Variants in TACC3 observed in about 807,000 individuals in gnomAD.
TACC3 encodes the protein transforming acidic coiled-coil-containing protein 3.
Under a neutral mutation model 86.0 loss-of-function variants are expected in TACC3, and 52 were observed. The ratio of observed to expected loss-of-function variants is 0.60; its 90% CI spans 0.48 to 0.76. The LOEUF (loss-of-function observed/expected upper bound fraction) is 0.76, where lower values mean the gene tolerates loss of function less well. TACC3 is among the 30% of genes least tolerant of loss of function. The probability of loss-of-function intolerance (pLI) is 0.00; values close to 1 mark genes in which losing one functional copy is unlikely to be tolerated. For missense variants in TACC3, 1,120 were observed against 1,070.4 expected, an observed-to-expected ratio of 1.05 and a Z score of -0.65; for synonymous variants, 512 against 430.0, an observed-to-expected ratio of 1.19 and a Z score of -2.36.
At chr4:1,744,185 G>A (rs150937982) in intron 13 of TACC3, among the ~76,000 whole-genome samples, 1 of 152,248 alleles carries the variant, frequency 6.6e-6, no homozygotes, top group Non-Finnish European at 1.5e-5. Context: ...AGAGGGAGAC[G>A]GGCTGGGCTG....
At chr4:1,724,213 G>T (rs1392507327) in intron 3 of TACC3, among the ~76,000 whole-genome samples, 1 of 150,794 alleles carries the variant, frequency 6.6e-6, no homozygotes, top group African/African-American at 2.4e-5. Context: ...ACCTCATGAT[G>T]CGCCCGCCTT....
At chr4:1,731,129 A>G in intron 5 of TACC3, 43 bp from the exon 6 acceptor site, 1 of 1,608,798 alleles carries the variant, frequency 6.2e-7, no homozygotes, top group South Asian at 1.1e-5. Context: ...CACCCCAAGT[A>G]CCTTGACTGC....
rs1376611875 is a variant in TACC3, at chr4:1,723,500, C to G, written c.79C>G (p.Pro27Ala). 3 of 1,613,652 alleles carry G rather than the reference C, an allele frequency of 1.9e-6. No homozygotes were observed. The highest frequency in any genetic ancestry group is 2.5e-6 in the Non-Finnish European group (3 of 1,180,012). The stretch of plus-strand genomic sequence containing the variant: ...AAATTGCGACTTCCTGTTTTCGCCA[C>G]CAGAAGTTACCGGAAGATCGTCTGT... Reference protein sequence around the residue: ...TENCDFLFSPPEVTGRSSVLR... With the variant: ...TENCDFLFSPAEVTGRSSVLR... Residue 27 changes from proline (P) to alanine (A), a missense_variant, in exon 2 of 16, where the codon CCA (proline) becomes GCA (alanine). Transcript: ENST00000313288.
chr4:1,721,162 T>G, upstream of TACC3: 4 of 200,472 alleles, frequency 2.0e-5, no homozygotes, highest in Admixed American at 6.1e-5. Flanking sequence ...GCGGCCTCTC[T>G]TCTCGGCCGG....
chr4:1,735,149 C>T lies in TACC3; in HGVS notation c.1592-124C>T, dbSNP rs750868662. Reference sequence around the variant, plus strand: ...AGTCAGGCCCCGAACATCCACACCTCCAAGGGAGGAAATACTGCTGGCTGG... The same window carrying T: ...AGTCAGGCCCCGAACATCCACACCTTCAAGGGAGGAAATACTGCTGGCTGG... On this transcript the variant is annotated intron_variant, in intron 6 of 15. Transcript: ENST00000313288. This position sits in a 1 kb window ranked among gnomAD's most constrained non-coding sequence, Gnocchi z 4.2. 1 of 1,368,528 alleles carries T rather than the reference C, an allele frequency of 7.3e-7. No individual in the cohort carries two copies. 84.8% of individuals were successfully genotyped at this position (1,368,528 alleles called of 1,614,324 possible). A position where few individuals can be genotyped will look rare whatever the true frequency, so the allele number is the denominator to read the frequency against.
intron 3 of TACC3, among the ~76,000 whole-genome samples, chr4:1,725,749 G>C (rs1459413404): frequency 1.3e-5 from 2 of 152,216 alleles, no homozygotes; most frequent in Non-Finnish European, 2.9e-5. Flanking sequence ...TCTCCTTTCT[G>C]GAACTCTGCT....
Position 1,735,883 on chromosome 4 carries a change from A to C in TACC3, c.1748+49A>C, listed in dbSNP as rs748671147. 2 of 1,335,978 alleles carry C rather than the reference A, an allele frequency of 1.5e-6. No homozygotes were observed. Among genetic ancestry groups the C allele is most frequent in the African/African-American group, 2.9e-5 (2 of 69,236 alleles). 82.8% of individuals were successfully genotyped at this position (1,335,978 alleles called of 1,614,324 possible). ...TGCATGAAGCCTTGAGTGTGGGAAG[A>C]CTGGAGGCTGTTCCTAGGTGTGCTG... On this transcript the variant is annotated intron_variant, in intron 8 of 15. Coordinates refer to ENST00000313288, the MANE Select transcript of TACC3 (RefSeq NM_006342.3). This position sits in a 1 kb window ranked among gnomAD's most constrained non-coding sequence, Gnocchi z 4.2.
At chr4:1,720,888 A>G (rs1162811778), upstream of TACC3, 2 of 1,505,314 alleles carry the variant, frequency 1.3e-6, no homozygotes, top group Admixed American at 4.1e-5. The surrounding 1 kb of genome is among the most constrained non-coding windows in gnomAD (Gnocchi z 4.4). Context: ...CGGCGCGCGG[A>G]CGAGGCCGCA....
chr4:1,734,816 G>A (rs915781295), intron 6 of TACC3, among the ~76,000 whole-genome samples: 18 of 152,026 alleles, frequency 1.2e-4, no homozygotes, highest in East Asian at 5.8e-4. Flanking sequence ...GTGCAGCACC[G>A]CGCCTAGCTA....
chr4:1,727,390 G>A (rs1003749383), intron 3 of TACC3, among the ~76,000 whole-genome samples: 1 of 152,192 alleles, frequency 6.6e-6, no homozygotes, highest in African/African-American at 2.4e-5. Flanking sequence ...CTGGCAAAGC[G>A]CGTGATGAGC....
Position 1,735,601 on chromosome 4 carries a change from G to T in TACC3, c.1645-130G>T. The T allele has an allele frequency of 1.2e-6, 1 of 816,578 alleles. No individual in the cohort carries two copies. Among genetic ancestry groups the T allele is most frequent in the Non-Finnish European group, 2.1e-6 (1 of 477,830 alleles). 50.6% of individuals were successfully genotyped at this position (816,578 alleles called of 1,614,324 possible). Reference sequence around the variant, plus strand: ...GAATGGTGGTGTCTCGGGCAGGGTTGTGGGTGACCGGGGGTGGGAGTGTGC... The same window carrying T: ...GAATGGTGGTGTCTCGGGCAGGGTTTTGGGTGACCGGGGGTGGGAGTGTGC... On this transcript the variant is annotated intron_variant, in intron 7 of 15. Coordinates refer to ENST00000313288, the MANE Select transcript of TACC3 (RefSeq NM_006342.3). The surrounding 1 kb of genome is among the most constrained non-coding windows in gnomAD (Gnocchi z 4.2).
intron 5 of TACC3, 53 bp from the exon 6 acceptor site, chr4:1,731,119 C>T: frequency 6.2e-7 from 1 of 1,604,916 alleles, no homozygotes; most frequent in Non-Finnish European, 8.5e-7. Flanking sequence ...GGCAAAGCCA[C>T]ACCCCAAGTA....
chr4:1,741,198 G>GA, intron 13 of TACC3: 1 of 474,912 alleles, frequency 2.1e-6, no homozygotes, highest in South Asian at 3.4e-5. Flanking sequence ...GAGGCAGAGT[G>GA]AGCAGGGAGG....
In TACC3 at chr4:1,724,927, A is replaced by ATTTTT. The variant is rs56412328; in HGVS notation, c.305+1075_305+1079dup. On this transcript the variant is annotated intron_variant, in intron 3 of 15. Transcript: ENST00000313288. ...AACTGTGAGCCACCATGCCCGGCCA[A>ATTTTT]TTTTTTTTTTTTTTTTTTTTTTACA... Among the ~76,000 whole-genome samples the ATTTTT allele has an allele frequency of 3.8e-4, 42 of 110,142 alleles. 1 individual carries two copies. The highest frequency in any genetic ancestry group is 1.6e-3 in the African/African-American group (42 of 26,838). 72.3% of individuals were successfully genotyped at this position (110,142 alleles called of 152,430 possible).
rs372916370 is a variant in TACC3, at chr4:1,727,786, C to G, written c.384C>G (p.Leu128=). The change falls in exon 4 of 16, where the codon CTC becomes CTG. Residue 128 remains leucine, a synonymous_variant. Coordinates refer to ENST00000313288, the MANE Select transcript of TACC3 (RefSeq NM_006342.3). ...LQKPVEADTD[L]LGDASPAFGS... The stretch of plus-strand genomic sequence containing the variant: ...AACCAGTGGAGGCTGACACCGACCT[C>G]CTGGGGGATGCAAGCCCAGCCTTTG... 6.2e-7 allele frequency: 1 copy of G among 1,612,950 alleles called. No individual in the cohort carries two copies. Among genetic ancestry groups the G allele is most frequent in the Non-Finnish European group, 8.5e-7 (1 of 1,179,890 alleles).
At chr4:1,733,663 G>GA (rs999464896) in intron 6 of TACC3, among the ~76,000 whole-genome samples, 10 of 151,346 alleles carry the variant, frequency 6.6e-5, no homozygotes, top group African/African-American at 1.9e-4. Context: ...CTGAAGGAAA[G>GA]AAAAAAAAGG....
chr4:1,735,403 G>A lies in TACC3; in HGVS notation c.1644+78G>A, dbSNP rs936791376. The A allele has an allele frequency of 2.4e-5, 37 of 1,542,710 alleles. No homozygotes were observed. Among genetic ancestry groups the A allele is most frequent in the Non-Finnish European group, 3.0e-5 (33 of 1,117,350 alleles). On this transcript the variant is annotated intron_variant, in intron 7 of 15. Transcript: ENST00000313288. The surrounding 1 kb of genome is among the most constrained non-coding windows in gnomAD (Gnocchi z 4.2). ...CCACGGCAGGTCTTGCCCCCGGAGC[G>A]TCCCTTGGTGCCCACGTCCCCCCAG...
chr4:1,726,464 T>C (rs1160694720), intron 3 of TACC3, among the ~76,000 whole-genome samples: 1 of 152,236 alleles, frequency 6.6e-6, no homozygotes, highest in East Asian at 1.9e-4. Flanking sequence ...TCCCCAGGAC[T>C]GATCTGTTGG....
chr4:1,729,700 C>T (rs3819380), intron 4 of TACC3, among the ~76,000 whole-genome samples: 29,943 of 152,226 alleles, frequency 0.2, 3,431 homozygotes, highest in Non-Finnish European at 0.26. Flanking sequence ...ACTGCTGAAG[C>T]ACAGCATCAC....
Sources: allele counts gnomAD v4.1 joint callset (sites outside exome capture counted in the v4.1 genomes callset), GRCh38; gene constraint gnomAD v4.1.1; non-coding constraint Gnocchi (gnomAD v3.1); transcripts MANE v1.5; gene names NCBI Gene and HGNC (gene_info 2026-07-23, HGNC 2026-07-21).